The following EHD1 variants were observed in gnomAD, a reference collection of about 807,000 sequenced individuals.
The protein encoded by EHD1 is EH domain containing 1, also known as EH domain-containing protein 1.
A neutral mutation model predicts 39.0 loss-of-function variants in EHD1; 19 were observed. The ratio of observed to expected loss-of-function variants is 0.49; its 90% confidence interval spans 0.34 to 0.72. The LOEUF is 0.72. EHD1 is among the 30% of genes least tolerant of loss of function. The pLI, the probability that EHD1 is intolerant of heterozygous loss-of-function variation, is 0.01. For missense variants in EHD1, 542 were observed against 751.5 expected (o/e 0.72, Z 3.26); for synonymous variants, 323 against 331.2 (o/e 0.98, Z 0.27).
Position 64,854,555 on chromosome 11 carries a change from C to T in EHD1, c.1383G>A (p.Lys461=), listed in dbSNP as rs766201999. The change falls in exon 5 of 5, where the codon AAG becomes AAA. Residue 461 remains lysine, a synonymous_variant. Coordinates refer to ENST00000320631, the MANE Select transcript of EHD1 (RefSeq NM_006795.4). ...IFYTLSPVNG[K]ITGANAKKEM... ...CCTTCTTGGCGTTGGCGCCCGTGATCTTGCCGTTGACAGGGGACAGCGTGT... is the reference window on the plus strand; with the variant it reads ...CCTTCTTGGCGTTGGCGCCCGTGATTTTGCCGTTGACAGGGGACAGCGTGT... 12 of 1,614,180 alleles carry T rather than the reference C, an allele frequency of 7.4e-6. No homozygotes were observed. The highest frequency in any genetic ancestry group is 1.0e-5 in the Non-Finnish European group (12 of 1,180,000).
intron 2 of EHD1, among the ~76,000 whole-genome samples, chr11:64,871,963 GGA>G (rs1391942312): frequency 6.6e-6 from 1 of 152,220 alleles, no homozygotes; most frequent in African/African-American, 2.4e-5. Flanking sequence ...CCACTGATAT[GGA>G]GCATACACTT....
chr11:64,859,223 T>C (rs992253780), intron 3 of EHD1, among the ~76,000 whole-genome samples: 1 of 152,256 alleles, frequency 6.6e-6, no homozygotes. Flanking sequence ...CATCCAGCAC[T>C]GTGCTGAGTG....
intron 2 of EHD1, among the ~76,000 whole-genome samples, chr11:64,863,074 C>G (rs1565719541): frequency 6.6e-6 from 1 of 152,228 alleles, no homozygotes; most frequent in African/African-American, 2.4e-5. Flanking sequence ...GTCCCTGGCT[C>G]AGTCTTCCCA....
chr11:64,863,844 A>T (rs1943740881), intron 2 of EHD1, among the ~76,000 whole-genome samples: 1 of 152,226 alleles, frequency 6.6e-6, no homozygotes, highest in African/African-American at 2.4e-5. Context: ...CATCTGTGAA[A>T]TTTAAATACC....
At chr11:64,878,635 C>T, upstream of EHD1, 2 of 1,405,826 alleles carry the variant, frequency 1.4e-6, no homozygotes, top group Non-Finnish European at 9.2e-7. Context: ...GCGCACCCCT[C>T]GCGGAGCGGC....
chr11:64,859,412 C>T (rs1418589267), intron 3 of EHD1, among the ~76,000 whole-genome samples: 2 of 152,060 alleles, frequency 1.3e-5, no homozygotes, highest in Non-Finnish European at 2.9e-5. Context: ...CCCAGCTACT[C>T]GGGAGGCTGA....
Position 64,868,962 on chromosome 11 carries a change from T to C in EHD1, c.502+5459A>G, listed in dbSNP as rs1236320069. Among the ~76,000 whole-genome samples, 1 of 152,106 alleles carries C rather than the reference T, an allele frequency of 6.6e-6. No individual in the cohort carries two copies. The highest frequency in any genetic ancestry group is 1.5e-5 in the Non-Finnish European group (1 of 68,012). Reference sequence around the variant, plus strand: ...AGCTTCTCAGTCTGTAACACGAAGATAGTAGGTTTCCAGCTTGGAGGGCCG... The same window carrying C: ...AGCTTCTCAGTCTGTAACACGAAGACAGTAGGTTTCCAGCTTGGAGGGCCG... On this transcript the variant is annotated intron_variant, in intron 2 of 4. Coordinates refer to ENST00000320631, the MANE Select transcript of EHD1 (RefSeq NM_006795.4). This position sits in a 1 kb window ranked among gnomAD's most constrained non-coding sequence, Gnocchi z 4.2.
intron 3 of EHD1, among the ~76,000 whole-genome samples, chr11:64,859,277 T>C (rs1474321561): frequency 2.0e-5 from 3 of 152,174 alleles, no homozygotes; most frequent in African/African-American, 7.2e-5. Context: ...CCCAGCACTC[T>C]GGGAGGCTGA....
Position 64,868,150 on chromosome 11 carries a change from C to T in EHD1, c.502+6271G>A, listed in dbSNP as rs568007096. On this transcript the variant is annotated intron_variant, in intron 2 of 4. Coordinates refer to ENST00000320631, the MANE Select transcript of EHD1 (RefSeq NM_006795.4). The surrounding 1 kb of genome is among the most constrained non-coding windows in gnomAD (Gnocchi z 4.2). Reference sequence around the variant, plus strand: ...TTATACATTCCAAAGATTTCTAGAACATGAAACATAGAGGGTTTGTCTCCA... The same window carrying T: ...TTATACATTCCAAAGATTTCTAGAATATGAAACATAGAGGGTTTGTCTCCA... Among the ~76,000 whole-genome samples the T allele has an allele frequency of 1.3e-5, 2 of 152,362 alleles. No individual in the cohort carries two copies. The highest frequency in any genetic ancestry group is 4.1e-4 in the South Asian group (2 of 4,832).
In EHD1 at chr11:64,878,184, G is replaced by C. The variant is rs2136506594; in HGVS notation, c.281C>G (p.Thr94Ser). The change falls in exon 1 of 5, where the codon ACC becomes AGC. Residue 94 changes from threonine to serine, a missense_variant. By Grantham distance (58) the Thr-to-Ser change is moderately conservative. Transcript: ENST00000320631. Reference sequence around the variant, plus strand: ...GTGCATGACGGCGATGAAGGAGTCGGTGGTGGGCTCGGGCCCGATGCGCAT... The same window carrying C: ...GTGCATGACGGCGATGAAGGAGTCGCTGGTGGGCTCGGGCCCGATGCGCAT... ...PGMRIGPEPT[T>S]DSFIAVMHGP... 6.2e-7 allele frequency: 1 copy of C among 1,606,552 alleles called. No individual in the cohort carries two copies. The highest frequency in any genetic ancestry group is 2.2e-5 in the East Asian group (1 of 44,508).
At chr11:64,866,368 G>A (rs1479408211) in intron 2 of EHD1, among the ~76,000 whole-genome samples, 2 of 152,158 alleles carry the variant, frequency 1.3e-5, no homozygotes, top group Admixed American at 1.3e-4. Flanking sequence ...AGACACCAGG[G>A]CCTACTTGAG....
chr11:64,876,296 G>A (rs566566294), intron 1 of EHD1, among the ~76,000 whole-genome samples: 14 of 152,350 alleles, frequency 9.2e-5, no homozygotes, highest in African/African-American at 3.1e-4. Flanking sequence ...ATCAGCCAGA[G>A]AAAAGCCTCC....
intron 1 of EHD1, among the ~76,000 whole-genome samples, chr11:64,875,276 C>A (rs1943873071): frequency 6.6e-6 from 1 of 152,200 alleles, no homozygotes; most frequent in African/African-American, 2.4e-5. Flanking sequence ...AAAGGCCAGG[C>A]GTGGTGGCTC....
upstream of EHD1, chr11:64,879,522 A>G: frequency 6.6e-7 from 1 of 1,514,964 alleles, no homozygotes. Context: ...ATTTAGGGGG[A>G]AGTTTAAAAA....
chr11:64,872,156 A>C (rs553605878), intron 2 of EHD1, among the ~76,000 whole-genome samples: 2 of 152,152 alleles, frequency 1.3e-5, no homozygotes, highest in Non-Finnish European at 2.9e-5. Context: ...GGGCCCAGCT[A>C]CTCGGGAGAC....
chr11:64,877,288 T>A (rs1355928570), intron 1 of EHD1, among the ~76,000 whole-genome samples: 1 of 152,146 alleles, frequency 6.6e-6, no homozygotes, highest in Non-Finnish European at 1.5e-5. Flanking sequence ...GAGCTCACTC[T>A]CCTCGCGTGC....
rs759233434 is a variant in EHD1 at position 64,859,957 on chromosome 11, G to C, written c.882C>G (p.Leu294=). ...SLPRNAALRK[L]NDLIKRARLA... ...GCCGTGCCCGCTTGATCAGGTCATT[G>C]AGCTTCCTGAGGGCGGCGTTTCGGG... The change falls in exon 3 of 5, where the codon CTC becomes CTG. Residue 294 remains leucine (L), a synonymous_variant. Transcript: ENST00000320631. 4.3e-6 allele frequency: 7 copies of C among 1,613,682 alleles called. No individual in the cohort carries two copies. In the South Asian group the frequency reaches 7.7e-5, roughly 18 times the overall value.
intron 3 of EHD1, among the ~76,000 whole-genome samples, chr11:64,857,107 G>C (rs921545344): frequency 6.6e-6 from 1 of 152,204 alleles, no homozygotes; most frequent in African/African-American, 2.4e-5. Flanking sequence ...TCACAGGGAG[G>C]CTCCAGAAGG....
chr11:64,877,795 C>T (rs1470470237), intron 1 of EHD1: 13 of 373,480 alleles, frequency 3.5e-5, no homozygotes, highest in Non-Finnish European at 6.2e-5. Flanking sequence ...GGGAGTGGGG[C>T]TGGGATCTGC....
Sources: gnomAD v4.1 joint callset for allele counts (sites outside exome capture counted in the v4.1 genomes callset) on GRCh38, gnomAD v4.1.1 for gene constraint, Gnocchi (gnomAD v3.1) non-coding constraint, MANE v1.5 for transcripts, NCBI Gene and HGNC (gene_info 2026-07-23, HGNC 2026-07-21) for gene names.